Variants in RSRP1 observed in about 807,000 individuals in gnomAD.
RSRP1 encodes the protein arginine and serine rich protein 1.
In RSRP1, 37 loss-of-function variants were observed where a neutral mutation model predicts 33.0. That is an observed-to-expected ratio of 1.12 (90% CI 0.86 to 1.48). RSRP1 has a LOEUF of 1.48. Among genes scored for constraint, RSRP1 ranks in the 40% most tolerant of loss-of-function variants. The probability of loss-of-function intolerance (pLI) is 0.00; values close to 1 mark genes in which losing one functional copy is unlikely to be tolerated. For synonymous variants in RSRP1, 167 were observed against 158.7 expected (o/e 1.05, Z -0.40); for missense variants, 402 against 385.3 (o/e 1.04, Z -0.36).
chr1:25,315,501 CTTTTT>C (rs1189263980), intron 1 of RSRP1, among the ~76,000 whole-genome samples: 3 of 114,122 alleles, frequency 2.6e-5, no homozygotes, highest in Non-Finnish European at 6.1e-5. Context: ...TTCTTTCTTT[CTTTTT>C]TTTTTTTTGA....
At position 25,284,034 on chromosome 1, in the gene RSRP1, G is replaced by A. The variant is rs1276679251; in HGVS notation, c.-66-37005C>T. Among the ~76,000 whole-genome samples the A allele has an allele frequency of 4.4e-5, 6 of 135,054 alleles. No homozygotes were observed. The East Asian group carries it at 5.8e-4, about 13-fold the overall frequency. The allele number at this position is 135,054 out of a possible 152,430, so 88.6% of individuals were successfully genotyped here. A position where few individuals can be genotyped will look rare whatever the true frequency, so the allele number is the denominator to read the frequency against. On this transcript the variant is annotated intron_variant, in intron 1 of 1. Transcript: ENST00000561867. ...GCTCACCAGGTCCCTCGCAGCAGGCGGCAAAGGGAGGGAGGTTTGCTGTGA... is the reference window on the plus strand; with the variant it reads ...GCTCACCAGGTCCCTCGCAGCAGGCAGCAAAGGGAGGGAGGTTTGCTGTGA...
rs749145983 is a variant in RSRP1, at chr1:25,290,716, G to A, written c.-66-43687C>T. On this transcript the variant is annotated intron_variant, in intron 1 of 1. Transcript: ENST00000561867. ...CTGTCTTGGGGAAGGTCAACTTGGC[G>A]CAGTTGGTGGTGATGGTGCTGGTGG... 8 of 1,377,786 alleles carry A rather than the reference G, an allele frequency of 5.8e-6. 2 individuals carry two copies. Among genetic ancestry groups the A allele is most frequent in the African/African-American group, 1.4e-5 (1 of 70,492 alleles). The allele number at this position is 1,377,786 out of a possible 1,614,324, so 85.3% of individuals were successfully genotyped here.
intron 1 of RSRP1, among the ~76,000 whole-genome samples, chr1:25,306,146 C>G (rs1200340172): frequency 7.6e-6 from 1 of 131,542 alleles, no homozygotes; most frequent in East Asian, 2.0e-4. Context: ...CAGGGGACAT[C>G]TTACAATGTC....
At chr1:25,243,422 ATGATTTT>A in intron 4 of RSRP1, 121 bp downstream of exon 4, 1 of 1,210,586 alleles carries the variant, frequency 8.3e-7, no homozygotes, top group Non-Finnish European at 1.1e-6. Context: ...TCAAAAACAA[ATGATTTT>A]AATTCTATTT....
At chr1:25,314,109 G>A (rs1384816669) in intron 1 of RSRP1, among the ~76,000 whole-genome samples, 2 of 132,736 alleles carry the variant, frequency 1.5e-5, no homozygotes, top group African/African-American at 2.6e-5. Context: ...GCCTAGAAGT[G>A]AAATTGTTGA....
chr1:25,301,613 A>G (rs773371990), intron 1 of RSRP1: 2 of 1,379,642 alleles, frequency 1.4e-6, no homozygotes, highest in Admixed American at 1.8e-5. Flanking sequence ...AACACCTACT[A>G]TGCTGTAGCA....
chr1:25,307,442 A>C (rs1423291507), intron 1 of RSRP1, among the ~76,000 whole-genome samples: 1 of 132,660 alleles, frequency 7.5e-6, no homozygotes, highest in African/African-American at 2.6e-5. Flanking sequence ...GGCACGATAC[A>C]GGGATAGATT....
chr1:25,276,487 G>A lies in RSRP1; in HGVS notation c.-66-29458C>T, dbSNP rs1417487930. The stretch of plus-strand genomic sequence containing the variant: ...TGGGGAGGATCGCTTAAACCAAGGA[G>A]TTCAAGACGAGCCTAGGAAACATAG... On this transcript the variant is annotated intron_variant, in intron 1 of 1. Coordinates refer to the RSRP1 transcript ENST00000561867. Among the ~76,000 whole-genome samples the A allele has an allele frequency of 2.9e-5, 3 of 104,488 alleles. 1 individual carries two copies. The highest frequency in any genetic ancestry group is 6.2e-5 in the Non-Finnish European group (3 of 48,172). 68.5% of individuals were successfully genotyped at this position (104,488 alleles called of 152,430 possible). A position where few individuals can be genotyped will look rare whatever the true frequency, so the allele number is the denominator to read the frequency against.
In RSRP1 at chr1:25,306,339, C is replaced by T. The variant is rs1198115340; in HGVS notation, c.-67+31639G>A. Among the ~76,000 whole-genome samples the T allele has an allele frequency of 6.1e-5, 8 of 131,936 alleles. 2 individuals carry two copies. Among genetic ancestry groups the T allele is most frequent in the African/African-American group, 1.3e-4 (5 of 38,292 alleles). The allele number at this position is 131,936 out of a possible 152,430, so 86.6% of individuals were successfully genotyped here. On this transcript the variant is annotated intron_variant, in intron 1 of 1. Transcript: ENST00000561867. ...TGCTACTCATAGTGTGGTCCGTAGA[C>T]CAGCAGCATTGGCATCACCTGGGAC... is the stretch of plus-strand genomic sequence containing the variant.
chr1:25,257,597 A>ATT (rs71712758), intron 1 of RSRP1, among the ~76,000 whole-genome samples: 5,483 of 131,152 alleles, frequency 0.042, 299 homozygotes, highest in African/African-American at 0.11. Context: ...GGAGATGCAG[A>ATT]TTTTTTTTTT....
intron 1 of RSRP1, among the ~76,000 whole-genome samples, chr1:25,286,501 TA>T (rs1642005672): frequency 7.4e-6 from 1 of 134,504 alleles, no homozygotes; most frequent in African/African-American, 2.6e-5. Context: ...AAAACAGTTT[TA>T]GGGGCCGGGC....
At chr1:25,279,634 T>C (rs1319230247) in intron 1 of RSRP1, among the ~76,000 whole-genome samples, 1 of 125,576 alleles carries the variant, frequency 8.0e-6, no homozygotes, top group Admixed American at 7.7e-5. Flanking sequence ...GGGCTAAGTC[T>C]GTAAGGCACG....
intron 1 of RSRP1, among the ~76,000 whole-genome samples, chr1:25,309,474 G>C (rs1644025952): frequency 7.6e-6 from 1 of 131,228 alleles, no homozygotes; most frequent in African/African-American, 2.6e-5. Flanking sequence ...TCTTTTTACA[G>C]CTACCTCCCA....
chr1:25,248,822 G>A (rs1375233386), upstream of RSRP1, among the ~76,000 whole-genome samples: 4 of 152,102 alleles, frequency 2.6e-5, no homozygotes, highest in East Asian at 1.9e-4. Flanking sequence ...AACCTTTGCC[G>A]AAAGTTCTCA....
rs1252125724 is a variant in RSRP1, at chr1:25,242,296, G to A, written c.*293C>T. ...ATTAAATATACAAAACAGGAATACA[G>A]TTCAATTACTGTGTCTAAAAAATTT... On this transcript the variant is annotated 3_prime_UTR_variant, in exon 5 of 5. Transcript: ENST00000243189. The A allele has an allele frequency of 5.1e-6, 1 of 197,124 alleles. No individual in the cohort carries two copies. The highest frequency in any genetic ancestry group is 1.0e-5 in the Non-Finnish European group (1 of 96,970). The allele number at this position is 197,124 out of a possible 1,614,324, so 12.2% of individuals were successfully genotyped here. A position where few individuals can be genotyped will look rare whatever the true frequency, so the allele number is the denominator to read the frequency against.
intron 1 of RSRP1, among the ~76,000 whole-genome samples, chr1:25,276,940 G>T (rs147763129): frequency 0.028 from 3,642 of 130,646 alleles, 588 homozygotes; most frequent in African/African-American, 0.088. Context: ...GGTGGCGGGT[G>T]CCTGTAGTCC....
chr1:25,296,381 G>A (rs1642962020), intron 1 of RSRP1, among the ~76,000 whole-genome samples: 1 of 121,580 alleles, frequency 8.2e-6, no homozygotes, highest in South Asian at 2.5e-4. Context: ...CGAGTAGCTG[G>A]GATTAGGGGC....
chr1:25,247,598 G>T (rs950114730), upstream of RSRP1: 1 of 152,268 alleles, frequency 6.6e-6, no homozygotes, highest in South Asian at 2.1e-4. Context: ...CCTGTGCCTC[G>T]AGCGCTTGCC....
intron 1 of RSRP1, among the ~76,000 whole-genome samples, chr1:25,320,281 C>T (rs866913540): frequency 7.6e-6 from 1 of 131,892 alleles, no homozygotes; most frequent in Non-Finnish European, 1.8e-5. Flanking sequence ...CAGCTACACA[C>T]CTTTTCCACG....
Sources: allele counts gnomAD v4.1 joint callset (sites outside exome capture counted in the v4.1 genomes callset), GRCh38; gene constraint gnomAD v4.1.1; transcripts MANE v1.5; gene names NCBI Gene and HGNC (gene_info 2026-07-23, HGNC 2026-07-21).